The following ATG4A variants were observed in gnomAD, a reference collection of about 807,000 sequenced individuals.
ATG4A encodes cysteine protease ATG4A.
Under a neutral mutation model 38.4 loss-of-function variants are expected in ATG4A, and 22 were observed. That is an observed-to-expected ratio of 0.57 (90% CI 0.41 to 0.82). The LOEUF (loss-of-function observed/expected upper bound fraction) is 0.82. Ranked by LOEUF, ATG4A falls within the 40% of genes least tolerant of loss-of-function variation. The probability of loss-of-function intolerance (pLI) is 0.00; values close to 1 mark genes in which losing one functional copy is unlikely to be tolerated. For synonymous variants in ATG4A, 86 were observed against 100.7 expected, an observed-to-expected ratio of 0.85 and a Z score of 0.88; for missense variants, 220 against 290.0, an observed-to-expected ratio of 0.76 and a Z score of 1.75.
intron 9 of ATG4A, among the ~76,000 whole-genome samples, chrX:108,149,060 TC>T (rs1428020925): frequency 8.9e-6 from 1 of 112,919 alleles, no homozygotes; most frequent in African/African-American, 3.2e-5. Context: ...AAGTGGTTTG[TC>T]CTTGGTTTAT....
At chrX:108,091,875 C>G (rs1323347918) in intron 1 of ATG4A, 39 bp downstream of exon 1, 2 of 1,207,683 alleles carry the variant, frequency 1.7e-6, no homozygotes, top group African/African-American at 1.8e-5. Flanking sequence ...TGTGAAAGAG[C>G]CGGGGTGGGT....
At chrX:108,089,794 C>T (rs1458909861), upstream of ATG4A, among the ~76,000 whole-genome samples, 6 of 111,268 alleles carry the variant, frequency 5.4e-5, no homozygotes, top group African/African-American at 2.0e-4. Context: ...TACGGCACCA[C>T]TGCACTCCAG....
intron 9 of ATG4A, among the ~76,000 whole-genome samples, chrX:108,141,750 G>T (rs1314243166): frequency 8.9e-6 from 1 of 111,868 alleles, no homozygotes; most frequent in African/African-American, 3.3e-5. Context: ...TTTCACTCCA[G>T]GTCTCACTGG....
At chrX:108,116,412 A>G (rs1251821218) in intron 1 of ATG4A, among the ~76,000 whole-genome samples, 1 of 111,887 alleles carries the variant, frequency 8.9e-6, no homozygotes, top group Non-Finnish European at 1.9e-5. Context: ...AAGGTGCTCC[A>G]AAGAGTACTG....
At chrX:108,138,289 C>A in intron 9 of ATG4A, 98 bp downstream of exon 9, 1 of 747,467 alleles carries the variant, frequency 1.3e-6, no homozygotes, top group Non-Finnish European at 2.0e-6. Context: ...TTAGTGGGTT[C>A]CCGTCTAGCC....
chrX:108,105,546 G>A (rs1233712974), intron 1 of ATG4A, among the ~76,000 whole-genome samples: 3 of 110,989 alleles, frequency 2.7e-5, no homozygotes, highest in Non-Finnish European at 5.7e-5. Context: ...ACCTTAGGCA[G>A]CCTGGTGAAA....
chrX:108,151,331 A>T (rs893145221), intron 10 of ATG4A, among the ~76,000 whole-genome samples: 7 of 111,849 alleles, frequency 6.3e-5, no homozygotes, highest in Non-Finnish European at 7.5e-5. Flanking sequence ...CTACTCTGGG[A>T]TGGATTTGAG....
intron 2 of ATG4A, among the ~76,000 whole-genome samples, chrX:108,126,444 ATATTTT>A (rs2032800511): frequency 8.9e-6 from 1 of 112,019 alleles, no homozygotes; most frequent in Non-Finnish European, 1.9e-5. Context: ...CACAAGTAAT[ATATTTT>A]TATTCTTTTC....
intron 9 of ATG4A, among the ~76,000 whole-genome samples, chrX:108,143,458 C>T (rs1393390881): frequency 9.0e-6 from 1 of 111,309 alleles, no homozygotes; most frequent in Non-Finnish European, 1.9e-5. Context: ...CATGGTAATA[C>T]TAAGAGACAC....
chrX:108,106,678 A>G (rs998657505), intron 1 of ATG4A, among the ~76,000 whole-genome samples: 1 of 112,225 alleles, frequency 8.9e-6, no homozygotes, highest in Non-Finnish European at 1.9e-5. Flanking sequence ...TTAGATTGAC[A>G]GTTCTTTTAT....
intron 1 of ATG4A, among the ~76,000 whole-genome samples, chrX:108,109,631 C>A (rs1018404216): frequency 2.9e-4 from 32 of 112,238 alleles, no homozygotes; most frequent in African/African-American, 6.8e-4. Context: ...GGTCTTTAAT[C>A]TATATTGAGT....
At chrX:108,091,753 G>A, upstream of ATG4A, 1 of 1,178,738 alleles carries the variant, frequency 8.5e-7, no homozygotes, top group Non-Finnish European at 1.2e-6. Context: ...AGAACTACAA[G>A]TCCCAGGGAT....
At chrX:108,111,994 A>T (rs184302743) in intron 1 of ATG4A, among the ~76,000 whole-genome samples, 3 of 110,365 alleles carry the variant, frequency 2.7e-5, no homozygotes, top group East Asian at 5.7e-4. Flanking sequence ...TTTTTTAATA[A>T]TTTTTTAATT....
intron 2 of ATG4A, 114 bp downstream of exon 2, chrX:108,126,301 G>T: frequency 1.9e-6 from 1 of 534,511 alleles, no homozygotes; most frequent in Non-Finnish European, 3.2e-6. Context: ...CAATGTTAAT[G>T]CTACTCTGAG....
chrX:108,099,220 T>G (rs1486194282), intron 1 of ATG4A, among the ~76,000 whole-genome samples: 7 of 111,787 alleles, frequency 6.3e-5, no homozygotes, highest in African/African-American at 2.3e-4. Flanking sequence ...ATTACTGATT[T>G]AATTTGCATT....
At chrX:108,090,478 C>T (rs1264890655), upstream of ATG4A, among the ~76,000 whole-genome samples, 2 of 111,885 alleles carry the variant, frequency 1.8e-5, no homozygotes, top group African/African-American at 6.5e-5. Flanking sequence ...TATCACCAGA[C>T]CATAATGAAG....
intron 1 of ATG4A, among the ~76,000 whole-genome samples, chrX:108,097,116 C>T (rs762476722): frequency 8.9e-6 from 1 of 111,809 alleles, no homozygotes; most frequent in Non-Finnish European, 1.9e-5. Context: ...GAGGTAGGTA[C>T]TATTATCCTG....
chrX:108,119,741 G>A (rs1187470654), intron 1 of ATG4A, among the ~76,000 whole-genome samples: 1 of 111,428 alleles, frequency 9.0e-6, no homozygotes, highest in Non-Finnish European at 1.9e-5. Flanking sequence ...TTTCTAACAG[G>A]GATGTAGGAA....
intron 4 of ATG4A, among the ~76,000 whole-genome samples, 190 bp downstream of exon 4, chrX:108,131,548 G>A (rs920008658): frequency 2.7e-5 from 3 of 112,020 alleles, no homozygotes; most frequent in Non-Finnish European, 5.6e-5. Context: ...AACAGCTAAT[G>A]TTTCCTTGTG....
Sources: allele counts gnomAD v4.1 joint callset (sites outside exome capture counted in the v4.1 genomes callset), GRCh38; gene constraint gnomAD v4.1.1; transcripts MANE v1.5; gene names NCBI Gene and HGNC (gene_info 2026-07-23, HGNC 2026-07-21).